Variants in KCNN4 observed in about 807,000 individuals in gnomAD.
KCNN4 encodes intermediate conductance calcium-activated potassium channel protein 4.
A neutral mutation model predicts 45.2 loss-of-function variants in KCNN4; 31 were observed. The observed-to-expected ratio is 0.69, with a 90% confidence interval of 0.52 to 0.92. KCNN4 has a LOEUF of 0.92. Ranked by LOEUF, KCNN4 falls within the 40% of genes least tolerant of loss-of-function variation. The pLI, the probability that KCNN4 is intolerant of heterozygous loss-of-function variation, is 0.00. For synonymous variants in KCNN4, 231 were observed against 254.6 expected (o/e 0.91, Z 0.88); for missense variants, 463 against 574.0 (o/e 0.81, Z 1.98).
In KCNN4 at chr19:43,774,296, C is replaced by T. The variant is rs1180641839; in HGVS notation, c.579G>A (p.Trp193Ter). The change falls in exon 3 of 9, where the codon TGG becomes TGA. Residue 193 changes from tryptophan (W) to a stop codon, truncating the protein, a stop_gained. Coordinates refer to ENST00000648319, the MANE Select transcript of KCNN4 (RefSeq NM_002250.3). LOFTEE classifies it high-confidence loss of function. The surrounding 1 kb of genome is among the most constrained non-coding windows in gnomAD (Gnocchi z 5.6). ...TGTTCATGTAAAGCTTGGCCACGAA[C>T]CAGTGGCGGAAGCGGACTTGATTGA... is the stretch of plus-strand genomic sequence containing the variant. ...GALNQVRFRH[W>*]FVAKLYMNTH... is the part of the protein sequence containing the mutation. 6 of 1,612,536 alleles carry T rather than the reference C, an allele frequency of 3.7e-6. No homozygotes were observed. The highest frequency in any genetic ancestry group is 4.2e-6 in the Non-Finnish European group (5 of 1,179,352).
At position 43,776,139 on chromosome 19, in the gene KCNN4, A is replaced by T. The variant is rs1360181119; in HGVS notation, c.255+402T>A. ...CAAGACCTTGTCTCAAAAAAAAAAAAAAAAAAAAAAAAAAAAAGGAGTGGG... is the reference window on the plus strand; with the variant it reads ...CAAGACCTTGTCTCAAAAAAAAAAATAAAAAAAAAAAAAAAAAGGAGTGGG... On this transcript the variant is annotated intron_variant, in intron 2 of 8. Coordinates refer to ENST00000648319, the MANE Select transcript of KCNN4 (RefSeq NM_002250.3). 3.6e-3 allele frequency among the ~76,000 whole-genome samples: 545 copies of T among 149,500 alleles called. 10 individuals are homozygous for T. The highest frequency in any genetic ancestry group is 0.013 in the African/African-American group (527 of 40,812).
chr19:43,774,583 C>A lies in KCNN4; in HGVS notation c.292G>T (p.Val98Leu), dbSNP rs1235550834. 5 of 1,524,566 alleles carry A rather than the reference C, an allele frequency of 3.3e-6. No individual in the cohort carries two copies. In the East Asian group the frequency reaches 1.1e-4, roughly 35 times the overall value. 94.4% of individuals were successfully genotyped at this position (1,524,566 alleles called of 1,614,324 possible). A position where few individuals can be genotyped will look rare whatever the true frequency, so the allele number is the denominator to read the frequency against. The change falls in exon 3 of 9, where the codon GTG becomes TTG. Residue 98 changes from valine to leucine, a missense_variant. Coordinates refer to ENST00000648319, the MANE Select transcript of KCNN4 (RefSeq NM_002250.3). The surrounding 1 kb of genome is among the most constrained non-coding windows in gnomAD (Gnocchi z 5.6). Reference protein sequence around the residue: ...MTDNGLRDWRVALTGRQAAQI... With the variant: ...MTDNGLRDWRLALTGRQAAQI... Reference sequence around the variant, plus strand: ...GCCGCCTGCCGCCCGGTCAGCGCCACGCGCCAGTCCCGCAGCCCGTTGTCG... The same window carrying A: ...GCCGCCTGCCGCCCGGTCAGCGCCAAGCGCCAGTCCCGCAGCCCGTTGTCG...
chr19:43,767,730 A>C (rs757260209), intron 7 of KCNN4, 23 bp from the exon 8 acceptor site: 2 of 1,613,524 alleles, frequency 1.2e-6, no homozygotes, highest in African/African-American at 2.7e-5. Context: ...AGAGGATCAG[A>C]GGTGTCGGGG....
At chr19:43,778,432 G>A (rs1969873202) in intron 1 of KCNN4, among the ~76,000 whole-genome samples, 1 of 152,088 alleles carries the variant, frequency 6.6e-6, no homozygotes, top group Non-Finnish European at 1.5e-5. Flanking sequence ...GTAGAGATGG[G>A]GTTTCACTGT....
At chr19:43,778,217 T>C (rs754845959) in intron 1 of KCNN4, among the ~76,000 whole-genome samples, 2 of 150,134 alleles carry the variant, frequency 1.3e-5, no homozygotes, top group Non-Finnish European at 3.0e-5. Context: ...TCTTTCTATG[T>C]GTTTTGAGGG....
chr19:43,769,413 G>C lies in KCNN4; in HGVS notation c.1049+29C>G. On this transcript the variant is annotated intron_variant, in intron 6 of 8. Transcript: ENST00000648319. The surrounding 1 kb of genome is among the most constrained non-coding windows in gnomAD (Gnocchi z 4.4). ...GGTGACTTGGACATGGGTGCACATGGACACGTGTGCATACAAAGCGGCCCT... is the reference window on the plus strand; with the variant it reads ...GGTGACTTGGACATGGGTGCACATGCACACGTGTGCATACAAAGCGGCCCT... 1 of 1,528,986 alleles carries C rather than the reference G, an allele frequency of 6.5e-7. No individual in the cohort carries two copies. 94.7% of individuals were successfully genotyped at this position (1,528,986 alleles called of 1,614,324 possible). A position where few individuals can be genotyped will look rare whatever the true frequency, so the allele number is the denominator to read the frequency against.
At position 43,768,997 on chromosome 19, in the gene KCNN4, C is replaced by T. The variant is rs113847826; in HGVS notation, c.1085G>A (p.Arg362Gln). ...RQVRLKHRKL[R>Q]EQVNSMVDIS... ...GTCCACCATGGAGTTCACTTGTTCCCGGAGCTTCCGGTGTTTCAGCCGCAC... is the reference window on the plus strand; with the variant it reads ...GTCCACCATGGAGTTCACTTGTTCCTGGAGCTTCCGGTGTTTCAGCCGCAC... The change falls in exon 7 of 9, where the codon CGG (arginine) becomes CAG (glutamine). Residue 362 changes from arginine (R) to glutamine (Q), a missense_variant. Physicochemically the swap from Arg to Gln is conservative, Grantham distance 43 (BLOSUM62 1). Coordinates refer to ENST00000648319, the MANE Select transcript of KCNN4 (RefSeq NM_002250.3). 39 of 1,613,926 alleles carry T rather than the reference C, an allele frequency of 2.4e-5. No individual in the cohort carries two copies. Among genetic ancestry groups the T allele is most frequent in the East Asian group, 4.5e-5 (2 of 44,900 alleles).
At position 43,774,156 on chromosome 19, in the gene KCNN4, T is replaced by A. The variant is rs201042189; in HGVS notation, c.683+36A>T. Reference sequence around the variant, plus strand: ...GGACGGCCGCCGTGGCTGTCCGGGGTTCCCCCCTGCGCATTTATGCCTCCA... The same window carrying A: ...GGACGGCCGCCGTGGCTGTCCGGGGATCCCCCCTGCGCATTTATGCCTCCA... On this transcript the variant is annotated intron_variant, in intron 3 of 8. Transcript: ENST00000648319. The surrounding 1 kb of genome is among the most constrained non-coding windows in gnomAD (Gnocchi z 5.6). 1.0e-5 allele frequency: 16 copies of A among 1,571,122 alleles called. No homozygotes were observed. Among genetic ancestry groups the A allele is most frequent in the Non-Finnish European group, 1.4e-5 (16 of 1,155,440 alleles).
Position 43,771,998 on chromosome 19 carries a change from A to G in KCNN4, c.819+2T>C, listed in dbSNP as rs772815201. 1 of 1,606,550 alleles carries G rather than the reference A, an allele frequency of 6.2e-7. No homozygotes were observed. The highest frequency in any genetic ancestry group is 8.5e-7 in the Non-Finnish European group (1 of 1,177,132). On this transcript the variant is annotated splice_donor_variant, in intron 4 of 8. Coordinates refer to ENST00000648319, the MANE Select transcript of KCNN4 (RefSeq NM_002250.3). LOFTEE classifies it high-confidence loss of function. ...TCATGTCCCCAAGGCAGCTGTACTC[A>G]CCATGACTCCAGTGCACAGGCAGAC...
At chr19:43,771,435 C>T (rs910488868) in intron 4 of KCNN4, among the ~76,000 whole-genome samples, 5 of 152,172 alleles carry the variant, frequency 3.3e-5, no homozygotes, top group Non-Finnish European at 7.4e-5. Context: ...CCCGAGAGAT[C>T]ACGTGGCTCG....
At chr19:43,771,727 C>T (rs1969649747) in intron 4 of KCNN4, among the ~76,000 whole-genome samples, 1 of 152,062 alleles carries the variant, frequency 6.6e-6, no homozygotes, top group Admixed American at 6.6e-5. Context: ...ACTCTGCCAC[C>T]CAGGCTGGAG....
In KCNN4 at chr19:43,769,564, G is replaced by C; in HGVS notation, c.931-4C>G. On this transcript the variant is annotated splice_polypyrimidine_tract_variant and splice_region_variant and intron_variant, in intron 5 of 8. Coordinates refer to ENST00000648319, the MANE Select transcript of KCNN4 (RefSeq NM_002250.3). The surrounding 1 kb of genome is among the most constrained non-coding windows in gnomAD (Gnocchi z 4.4). ...CTCGGGCAGCGGACTCCTTCATCTG[G>C]GGGTGGGTGGCACAGTGTCCGTGGA... 1.2e-6 allele frequency: 2 copies of C among 1,612,534 alleles called. No homozygotes were observed. Among genetic ancestry groups the C allele is most frequent in the Non-Finnish European group, 1.7e-6 (2 of 1,178,526 alleles).
intron 1 of KCNN4, among the ~76,000 whole-genome samples, chr19:43,777,320 T>TGTGTGTGTGTGTGTGTGTGG (rs1247716395): frequency 1.0e-4 from 15 of 149,172 alleles, no homozygotes; most frequent in African/African-American, 3.5e-4. Flanking sequence ...TGTGTGTGTG[T>TGTGTGTGTGTGTGTGTGTGG]GTGTGGGTGT....
At chr19:43,776,988 G>A (rs1487096120) in intron 1 of KCNN4, among the ~76,000 whole-genome samples, 1 of 152,070 alleles carries the variant, frequency 6.6e-6, no homozygotes, top group Non-Finnish European at 1.5e-5. Flanking sequence ...GGAGGCTGAG[G>A]AACCAGAATC....
intron 8 of KCNN4, 63 bp downstream of exon 8, chr19:43,767,477 G>C: frequency 6.4e-7 from 1 of 1,560,118 alleles, no homozygotes; most frequent in Non-Finnish European, 8.7e-7. Flanking sequence ...TAGCCACATA[G>C]GGTGCTGGCC....
rs758684348 is a variant in KCNN4, at chr19:43,767,581, G to A, written c.1246C>T (p.Pro416Ser). Residue 416 changes from proline to serine, a missense_variant, in exon 8 of 9, where the codon CCG (proline) becomes TCG (serine). Physicochemically the swap from Pro to Ser is moderately conservative, Grantham distance 74. This residue lies in a region of KCNN4 where 129 missense variants were observed against 149.4 expected (regional missense o/e 0.86). Coordinates refer to ENST00000648319, the MANE Select transcript of KCNN4 (RefSeq NM_002250.3). ...LTELLSTALG[P>S]RQLPEPSQQS... ...TGGCTGGGTTCTGGAAGCTGCCTCG[G>A]CCCCAGGGCAGTGCTAAGCAGCTCA... 1.2e-6 allele frequency: 2 copies of A among 1,614,014 alleles called. No individual in the cohort carries two copies. The highest frequency in any genetic ancestry group is 2.2e-5 in the East Asian group (1 of 44,878).
Position 43,769,924 on chromosome 19 carries a change from C to A in KCNN4, c.820-95G>T. On this transcript the variant is annotated intron_variant, in intron 4 of 8. Transcript: ENST00000648319. The surrounding 1 kb of genome is among the most constrained non-coding windows in gnomAD (Gnocchi z 4.4). ...CACAGACGGTAGGCACGACCATCCC[C>A]AGTTAGCAGACAAGCAAAGAGGCTC... 1.3e-6 allele frequency: 1 copy of A among 772,606 alleles called. No individual in the cohort carries two copies. The highest frequency in any genetic ancestry group is 1.6e-5 in the South Asian group (1 of 63,728). The allele number at this position is 772,606 out of a possible 1,614,324, so 47.9% of individuals were successfully genotyped here. A position where few individuals can be genotyped will look rare whatever the true frequency, so the allele number is the denominator to read the frequency against.
chr19:43,776,128 A>C (rs1969795553), intron 2 of KCNN4, among the ~76,000 whole-genome samples: 1 of 24,496 alleles, frequency 4.1e-5, no homozygotes, highest in Non-Finnish European at 1.0e-4. Flanking sequence ...ACCTTGTCTC[A>C]AAAAAAAAAA....
chr19:43,774,162 C>A lies in KCNN4; in HGVS notation c.683+30G>T. On this transcript the variant is annotated intron_variant, in intron 3 of 8. Coordinates refer to ENST00000648319, the MANE Select transcript of KCNN4 (RefSeq NM_002250.3). This position sits in a 1 kb window ranked among gnomAD's most constrained non-coding sequence, Gnocchi z 5.6. ...CCGCCGTGGCTGTCCGGGGTTCCCCCCTGCGCATTTATGCCTCCATCACCC... is the reference window on the plus strand; with the variant it reads ...CCGCCGTGGCTGTCCGGGGTTCCCCACTGCGCATTTATGCCTCCATCACCC... The A allele has an allele frequency of 6.3e-7, 1 of 1,585,584 alleles. No homozygotes were observed. The highest frequency in any genetic ancestry group is 8.6e-7 in the Non-Finnish European group (1 of 1,163,214).
Sources: gnomAD v4.1 joint callset for allele counts (sites outside exome capture counted in the v4.1 genomes callset) on GRCh38, gnomAD v4.1.1 for gene constraint, gnomAD v4.1.1 regional missense constraint, Gnocchi (gnomAD v3.1) non-coding constraint, MANE v1.5 for transcripts, NCBI Gene and HGNC (gene_info 2026-07-23, HGNC 2026-07-21) for gene names.